The following CNTNAP2 variants were observed in gnomAD, a reference collection of about 807,000 sequenced individuals.
CNTNAP2 encodes contactin associated protein 2.
A neutral mutation model predicts 155.2 loss-of-function variants in CNTNAP2; 98 were observed. The ratio of observed to expected loss-of-function variants is 0.63; its 90% confidence interval spans 0.54 to 0.75. The LOEUF is 0.75. Ranked by LOEUF, CNTNAP2 falls within the 30% of genes least tolerant of loss-of-function variation. CNTNAP2 has a pLI of 0.00. For missense variants in CNTNAP2, 1,727 were observed against 1,688.1 expected, an observed-to-expected ratio of 1.02 and a Z score of -0.40; for synonymous variants, 651 against 631.2, an observed-to-expected ratio of 1.03 and a Z score of -0.47.
At chr7:148,385,322 G>A (rs995717053) in intron 22 of CNTNAP2, among the ~76,000 whole-genome samples, 1 of 152,194 alleles carries the variant, frequency 6.6e-6, no homozygotes, top group Non-Finnish European at 1.5e-5. Flanking sequence ...ATGTTGTTAA[G>A]ATTACACAGT....
At chr7:147,490,645 A>C (rs1382032232) in intron 11 of CNTNAP2, among the ~76,000 whole-genome samples, 4 of 152,234 alleles carry the variant, frequency 2.6e-5, no homozygotes, top group African/African-American at 4.8e-5. Flanking sequence ...TCTACAACTT[A>C]GGCATCAATG....
intron 20 of CNTNAP2, among the ~76,000 whole-genome samples, chr7:148,262,503 G>C (rs897732011): frequency 6.6e-6 from 1 of 152,132 alleles, no homozygotes; most frequent in Non-Finnish European, 1.5e-5. Context: ...CAGGCTCTGA[G>C]AGGAGAATCT....
intron 1 of CNTNAP2, among the ~76,000 whole-genome samples, chr7:146,379,708 A>G (rs1795354416): frequency 1.3e-5 from 2 of 151,932 alleles, no homozygotes; most frequent in African/African-American, 4.8e-5. Flanking sequence ...GCCTCCTCCA[A>G]CTCTGTTTGA....
intron 21 of CNTNAP2, among the ~76,000 whole-genome samples, chr7:148,366,294 GTATA>G (rs1798778484): frequency 8.9e-6 from 1 of 112,208 alleles, no homozygotes; most frequent in Non-Finnish European, 2.0e-5. Flanking sequence ...ATGTGTACAT[GTATA>G]TATGTATGTA....
intron 3 of CNTNAP2, among the ~76,000 whole-genome samples, chr7:146,871,797 T>C (rs1795314699): frequency 6.6e-6 from 1 of 151,970 alleles, no homozygotes; most frequent in Non-Finnish European, 1.5e-5. Flanking sequence ...AACAGTAATG[T>C]CTTTACATTG....
chr7:146,165,059 A>AACTAT, intron 1 of CNTNAP2, among the ~76,000 whole-genome samples: 1 of 152,320 alleles, frequency 6.6e-6, no homozygotes, highest in East Asian at 1.9e-4. Context: ...TGCCCTTACG[A>AACTAT]ACTATAATCT....
intron 1 of CNTNAP2, among the ~76,000 whole-genome samples, chr7:146,609,381 C>G (rs1799098897): frequency 6.6e-6 from 1 of 152,112 alleles, no homozygotes; most frequent in African/African-American, 2.4e-5. Flanking sequence ...TATTTTTCTT[C>G]CACATAGTCC....
intron 1 of CNTNAP2, among the ~76,000 whole-genome samples, chr7:146,448,646 G>A (rs184721571): frequency 3.3e-5 from 5 of 152,042 alleles, no homozygotes; most frequent in Admixed American, 2.6e-4. Flanking sequence ...GAGATTCCAT[G>A]CATTTTAAAC....
intron 10 of CNTNAP2, among the ~76,000 whole-genome samples, chr7:147,483,107 T>C (rs1798452351): frequency 6.6e-6 from 1 of 151,890 alleles, no homozygotes; most frequent in African/African-American, 2.4e-5. Context: ...ATTAAAATTG[T>C]ATCTAAATAA....
At chr7:148,141,479 G>T (rs536755626) in intron 16 of CNTNAP2, among the ~76,000 whole-genome samples, 1 of 152,346 alleles carries the variant, frequency 6.6e-6, no homozygotes, top group Non-Finnish European at 1.5e-5. Context: ...TTGGGAAAAT[G>T]AGTGGATTTC....
chr7:147,117,169 C>A (rs1801008165), intron 5 of CNTNAP2, among the ~76,000 whole-genome samples: 1 of 152,118 alleles, frequency 6.6e-6, no homozygotes, highest in Non-Finnish European at 1.5e-5. Flanking sequence ...TTGCAGACAC[C>A]TTTGTTGGAA....
chr7:146,415,007 A>G (rs190854012), intron 1 of CNTNAP2, among the ~76,000 whole-genome samples: 22 of 148,942 alleles, frequency 1.5e-4, no homozygotes, highest in Non-Finnish European at 1.0e-4. Context: ...TGTAAAAAGT[A>G]ACTTAGGAAG....
At chr7:147,323,911 T>C (rs984199072) in intron 9 of CNTNAP2, among the ~76,000 whole-genome samples, 6 of 152,082 alleles carry the variant, frequency 3.9e-5, no homozygotes, top group African/African-American at 1.4e-4. Context: ...GAGAGAAAAA[T>C]GGACCATTTC....
chr7:146,330,330 A>C (rs1263989133), intron 1 of CNTNAP2, among the ~76,000 whole-genome samples: 2 of 151,924 alleles, frequency 1.3e-5, no homozygotes, highest in Non-Finnish European at 2.9e-5. Context: ...CTCGACAAGT[A>C]CTTTCTTATC....
At chr7:146,345,330 A>T (rs753803769) in intron 1 of CNTNAP2, among the ~76,000 whole-genome samples, 4 of 152,170 alleles carry the variant, frequency 2.6e-5, no homozygotes, top group Non-Finnish European at 5.9e-5. Context: ...GAAAGGAAGA[A>T]CCCAAACAAA....
intron 1 of CNTNAP2, among the ~76,000 whole-genome samples, chr7:146,511,160 A>T (rs1010901584): frequency 2.0e-5 from 3 of 152,140 alleles, no homozygotes; most frequent in African/African-American, 7.2e-5. Flanking sequence ...AGCCTCCCAA[A>T]GTGCTGGGAT....
chr7:147,585,042 TG>T (rs1301862840), intron 12 of CNTNAP2, among the ~76,000 whole-genome samples: 12 of 152,164 alleles, frequency 7.9e-5, no homozygotes, highest in Non-Finnish European at 1.5e-4. Flanking sequence ...TCTGAGTCTC[TG>T]TGTTGCCCAC....
At chr7:147,786,636 T>C (rs937313135) in intron 13 of CNTNAP2, among the ~76,000 whole-genome samples, 3 of 152,082 alleles carry the variant, frequency 2.0e-5, no homozygotes, top group African/African-American at 7.2e-5. Flanking sequence ...AGGGAGATAT[T>C]TGAGAGAACT....
chr7:148,168,321 A>T (rs939153626), intron 17 of CNTNAP2, among the ~76,000 whole-genome samples: 1 of 152,172 alleles, frequency 6.6e-6, no homozygotes, highest in African/African-American at 2.4e-5. Flanking sequence ...CCAAATGTCC[A>T]ACAATGATAG....
Sources: gnomAD v4.1 joint callset for allele counts (sites outside exome capture counted in the v4.1 genomes callset) on GRCh38, gnomAD v4.1.1 for gene constraint, MANE v1.5 for transcripts, NCBI Gene and HGNC (gene_info 2026-07-23, HGNC 2026-07-21) for gene names.